PCDH9: variants seen among roughly 807,000 people sequenced by gnomAD.
PCDH9 encodes the protein protocadherin-9.
Under a neutral mutation model 70.6 loss-of-function variants are expected in PCDH9, and 24 were observed. That is an observed-to-expected ratio of 0.34 (90% CI 0.25 to 0.48). The LOEUF is 0.48. PCDH9 is among the 20% of genes least tolerant of loss of function. The probability of loss-of-function intolerance (pLI) is 0.99; values close to 1 mark genes in which losing one functional copy is unlikely to be tolerated. For synonymous variants in PCDH9, 562 were observed against 558.5 expected, an observed-to-expected ratio of 1.01 and a Z score of -0.09; for missense variants, 1,281 against 1,503.6, an observed-to-expected ratio of 0.85 and a Z score of 2.45.
chr13:67,008,401 T>C (rs890793995), intron 2 of PCDH9, among the ~76,000 whole-genome samples: 28 of 152,252 alleles, frequency 1.8e-4, no homozygotes, highest in African/African-American at 6.7e-4. Context: ...TTTTGTGAGG[T>C]GAAGACTGTA....
chr13:66,806,888 A>T (rs542911754), intron 3 of PCDH9, among the ~76,000 whole-genome samples: 18 of 152,298 alleles, frequency 1.2e-4, no homozygotes, highest in East Asian at 9.7e-4. Flanking sequence ...AACGGAAAAC[A>T]GGGCCATTTG....
intron 2 of PCDH9, among the ~76,000 whole-genome samples, chr13:67,141,128 G>T (rs560405214): frequency 3.9e-4 from 59 of 152,090 alleles, no homozygotes; most frequent in Non-Finnish European, 7.8e-4. Flanking sequence ...GTTTAGAATG[G>T]CTTTATCATT....
intron 4 of PCDH9, among the ~76,000 whole-genome samples, chr13:66,410,203 A>T (rs555941067): frequency 0.018 from 2,550 of 139,460 alleles, 64 homozygotes; most frequent in African/African-American, 0.057. Flanking sequence ...TCCTTTTTTT[A>T]AAAAAAAAAA....
chr13:66,981,994 T>A (rs1410160652), intron 2 of PCDH9, among the ~76,000 whole-genome samples: 3 of 152,174 alleles, frequency 2.0e-5, no homozygotes, highest in Non-Finnish European at 4.4e-5. Context: ...TCACCAATGC[T>A]GGAGGTAGGG....
At chr13:67,037,863 T>C (rs2085040249) in intron 2 of PCDH9, among the ~76,000 whole-genome samples, 1 of 152,184 alleles carries the variant, frequency 6.6e-6, no homozygotes. Context: ...CTGGACCGTA[T>C]GGTAAAGAAG....
chr13:66,877,103 AT>A (rs2081826876), intron 3 of PCDH9, among the ~76,000 whole-genome samples: 1 of 151,934 alleles, frequency 6.6e-6, no homozygotes, highest in Non-Finnish European at 1.5e-5. Context: ...CCATCAAAAA[AT>A]ATATTTATAT....
chr13:66,414,119 G>T (rs1957422444), intron 4 of PCDH9, among the ~76,000 whole-genome samples: 1 of 151,966 alleles, frequency 6.6e-6, no homozygotes, highest in Non-Finnish European at 1.5e-5. Flanking sequence ...TCAAAGACTA[G>T]ACATGTATTT....
At chr13:67,194,606 G>A (rs1478419354) in intron 2 of PCDH9, among the ~76,000 whole-genome samples, 1 of 152,076 alleles carries the variant, frequency 6.6e-6, no homozygotes. Context: ...GGTATATTTT[G>A]CAATGTAAAA....
At chr13:66,468,785 A>T (rs1174353578) in intron 4 of PCDH9, among the ~76,000 whole-genome samples, 1 of 152,110 alleles carries the variant, frequency 6.6e-6, no homozygotes, top group Non-Finnish European at 1.5e-5. Flanking sequence ...TAATGAGTTG[A>T]ACAAAGCTGT....
intron 2 of PCDH9, among the ~76,000 whole-genome samples, chr13:67,000,401 C>T (rs1362709086): frequency 1.3e-5 from 2 of 151,256 alleles, no homozygotes; most frequent in Non-Finnish European, 2.9e-5. Flanking sequence ...TTAATGGGTG[C>T]AGCACACCAG....
chr13:67,202,251 G>C (rs1178574441), intron 2 of PCDH9: 1 of 151,842 alleles, frequency 6.6e-6, no homozygotes, highest in Admixed American at 6.6e-5. Context: ...CTTAAATAAT[G>C]AGCAATAGGG....
intron 4 of PCDH9, among the ~76,000 whole-genome samples, chr13:66,316,904 G>T (rs1326976329): frequency 6.6e-6 from 1 of 151,996 alleles, no homozygotes; most frequent in African/African-American, 2.4e-5. Flanking sequence ...TGTATTTTTA[G>T]TAGAGATGGG....
At chr13:67,158,755 A>C (rs2087877532) in intron 2 of PCDH9, among the ~76,000 whole-genome samples, 1 of 152,200 alleles carries the variant, frequency 6.6e-6, no homozygotes, top group African/African-American at 2.4e-5. Context: ...TGGATATCAA[A>C]TAAATTGGTT....
intron 4 of PCDH9, among the ~76,000 whole-genome samples, chr13:66,419,855 C>T (rs1957531181): frequency 6.6e-6 from 1 of 151,796 alleles, no homozygotes; most frequent in South Asian, 2.1e-4. Context: ...CCAGGGAGCC[C>T]TGGAGCCAAG....
chr13:66,437,404 CAAAAAAA>C (rs66796123), intron 4 of PCDH9, among the ~76,000 whole-genome samples: 1,538 of 45,628 alleles, frequency 0.034, 36 homozygotes, highest in African/African-American at 0.098. Flanking sequence ...GACTCTGTCT[CAAAAAAA>C]AAAAAAAAAA....
At chr13:67,054,336 A>T (rs1045886513) in intron 2 of PCDH9, among the ~76,000 whole-genome samples, 1 of 152,200 alleles carries the variant, frequency 6.6e-6, no homozygotes, top group African/African-American at 2.4e-5. Flanking sequence ...CTATCTACAC[A>T]CACCCACAGA....
At chr13:67,177,461 T>C (rs555571554) in intron 2 of PCDH9, among the ~76,000 whole-genome samples, 1 of 152,242 alleles carries the variant, frequency 6.6e-6, no homozygotes, top group South Asian at 2.1e-4. Context: ...AGTTAATTTA[T>C]CAGCCTTTAC....
intron 3 of PCDH9, among the ~76,000 whole-genome samples, chr13:66,792,478 C>T (rs977418464): frequency 3.3e-5 from 5 of 151,836 alleles, no homozygotes; most frequent in Admixed American, 3.3e-4. Context: ...GAGACCACCC[C>T]GACCAACATG....
intron 2 of PCDH9, among the ~76,000 whole-genome samples, chr13:67,154,638 AC>A: frequency 2.9e-5 from 4 of 135,756 alleles, no homozygotes; most frequent in Non-Finnish European, 6.6e-5. Context: ...ACACACACAC[AC>A]ACACACATAC....
Sources: allele counts gnomAD v4.1 joint callset (sites outside exome capture counted in the v4.1 genomes callset), GRCh38; gene constraint gnomAD v4.1.1; transcripts MANE v1.5; gene names NCBI Gene and HGNC (gene_info 2026-07-23, HGNC 2026-07-21).